The following DTX1 variants were observed in gnomAD, a reference collection of about 807,000 sequenced individuals.
DTX1 encodes the protein deltex E3 ubiquitin ligase 1, also known as E3 ubiquitin-protein ligase DTX1.
Under a neutral mutation model 57.8 loss-of-function variants are expected in DTX1, and 26 were observed. The observed-to-expected ratio is 0.45, with a 90% CI of 0.33 to 0.62. DTX1 has a LOEUF of 0.62. Ranked by LOEUF, DTX1 falls within the 20% of genes least tolerant of loss-of-function variation. The pLI, the probability that DTX1 is intolerant of heterozygous loss-of-function variation, is 0.02. For synonymous variants in DTX1, 398 were observed against 394.1 expected, an observed-to-expected ratio of 1.01 and a Z score of -0.12; for missense variants, 704 against 895.3, an observed-to-expected ratio of 0.79 and a Z score of 2.73.
chr12:113,077,362 C>T lies in DTX1; in HGVS notation c.260-62C>T, dbSNP rs1036933458. ...CCCACCCTTGCCTGGCTGTGGCCCGCCCTTCCAGCCGCGCAGACCAACGCC... is the reference window on the plus strand; with the variant it reads ...CCCACCCTTGCCTGGCTGTGGCCCGTCCTTCCAGCCGCGCAGACCAACGCC... On this transcript the variant is annotated intron_variant, in intron 2 of 9. Coordinates refer to ENST00000548759, the MANE Select transcript of DTX1 (RefSeq NM_004416.3). This position sits in a 1 kb window ranked among gnomAD's most constrained non-coding sequence, Gnocchi z 7.8. 6.6e-7 allele frequency: 1 copy of T among 1,525,908 alleles called. No homozygotes were observed. Among genetic ancestry groups the T allele is most frequent in the Non-Finnish European group, 8.7e-7 (1 of 1,143,710 alleles). 94.5% of individuals were successfully genotyped at this position (1,525,908 alleles called of 1,614,324 possible).
intron 2 of DTX1, among the ~76,000 whole-genome samples, chr12:113,072,850 C>A (rs560869801): frequency 6.6e-6 from 1 of 151,790 alleles, no homozygotes; most frequent in African/African-American, 2.4e-5. Context: ...ATTACAGGCA[C>A]GTACCACCAC....
chr12:113,092,459 A>G (rs1476236032), intron 3 of DTX1, among the ~76,000 whole-genome samples: 1 of 152,184 alleles, frequency 6.6e-6, no homozygotes, highest in East Asian at 1.9e-4. Context: ...GCTGACTCCA[A>G]AAGCCAAAGC....
intron 2 of DTX1, among the ~76,000 whole-genome samples, chr12:113,074,999 G>C (rs1253481321): frequency 6.6e-6 from 1 of 152,188 alleles, no homozygotes; most frequent in Admixed American, 6.5e-5. Flanking sequence ...AACCTCTCCA[G>C]GGAAGGGTCA....
chr12:113,057,464 G>T lies in DTX1; in HGVS notation c.-729G>T, dbSNP rs913040550. 5 of 152,434 alleles carry T rather than the reference G, an allele frequency of 3.3e-5. No homozygotes were observed. Among genetic ancestry groups the T allele is most frequent in the African/African-American group, 7.2e-5 (3 of 41,424 alleles). 9.4% of individuals were successfully genotyped at this position (152,434 alleles called of 1,614,324 possible). On this transcript the variant is annotated 5_prime_UTR_variant, in exon 2 of 10. Transcript: ENST00000548759. The stretch of plus-strand genomic sequence containing the variant: ...CTCCTGGCAGGTCGCGAGCACGAGT[G>T]GGGTGGGGCGTGCCCACGGGCCCCC...
In DTX1 at chr12:113,062,032, T is replaced by TACACACACAC. The variant is rs35422556; in HGVS notation, c.259+3610_259+3619dup. ...TGAATCTTGAAAATATTATATTTCA[T>TACACACACAC]ACACACACACACACACACACACACA... On this transcript the variant is annotated intron_variant, in intron 2 of 9. Coordinates refer to ENST00000548759, the MANE Select transcript of DTX1 (RefSeq NM_004416.3). 9.8e-4 allele frequency among the ~76,000 whole-genome samples: 139 copies of TACACACACAC among 142,496 alleles called. 1 individual carries two copies. The highest frequency in any genetic ancestry group is 3.5e-3 in the Middle Eastern group (1 of 288). The allele number at this position is 142,496 out of a possible 152,430, so 93.5% of individuals were successfully genotyped here. A position where few individuals can be genotyped will look rare whatever the true frequency, so the allele number is the denominator to read the frequency against.
intron 3 of DTX1, among the ~76,000 whole-genome samples, chr12:113,087,002 G>T (rs1038117710): frequency 7.0e-6 from 1 of 143,070 alleles, no homozygotes; most frequent in Non-Finnish European, 1.5e-5. Flanking sequence ...TGGCTGCCCC[G>T]GGCCGTGGGA....
In DTX1 at chr12:113,093,448, CACCCGAGGG is replaced by C; in HGVS notation, c.1004-90_1004-82del. The C allele has an allele frequency of 3.9e-6, 4 of 1,034,362 alleles. No individual in the cohort carries two copies. The highest frequency in any genetic ancestry group is 5.5e-6 in the Non-Finnish European group (4 of 725,058). The allele number at this position is 1,034,362 out of a possible 1,614,324, so 64.1% of individuals were successfully genotyped here. ...GGCCCAAGAGCGCAACCCTCCCACC[CACCCGAGGG>C]CCCCGGGATTCCCAGGGCCAGTGGT... On this transcript the variant is annotated intron_variant, in intron 4 of 9. Coordinates refer to ENST00000548759, the MANE Select transcript of DTX1 (RefSeq NM_004416.3). This position sits in a 1 kb window ranked among gnomAD's most constrained non-coding sequence, Gnocchi z 4.2.
At chr12:113,069,989 C>A (rs566352985) in intron 2 of DTX1, among the ~76,000 whole-genome samples, 1 of 152,246 alleles carries the variant, frequency 6.6e-6, no homozygotes, top group South Asian at 2.1e-4. Context: ...GTTTCCTCCC[C>A]CAGAACATGG....
In DTX1 at chr12:113,077,938, C is replaced by A; in HGVS notation, c.774C>A (p.Leu258=). The change falls in exon 3 of 10, where the codon CTC becomes CTA. Residue 258 remains leucine (L), a synonymous_variant. Transcript: ENST00000548759. This position sits in a 1 kb window ranked among gnomAD's most constrained non-coding sequence, Gnocchi z 7.8. The stretch of plus-strand genomic sequence containing the variant: ...GCGCCACCTTCACAGGCGCCGCGCT[C>A]TGGGCAGCGCCCGCCGCCGGCCCCG... ...RPSATFTGAA[L]WAAPAAGPAE... is the part of the protein sequence containing the mutation. 9.2e-7 allele frequency: 1 copy of A among 1,083,216 alleles called. No homozygotes were observed. The highest frequency in any genetic ancestry group is 4.3e-5 in the South Asian group (1 of 23,018). The allele number at this position is 1,083,216 out of a possible 1,614,324, so 67.1% of individuals were successfully genotyped here. A position where few individuals can be genotyped will look rare whatever the true frequency, so the allele number is the denominator to read the frequency against.
At chr12:113,067,117 C>T (rs538149095) in intron 2 of DTX1, among the ~76,000 whole-genome samples, 5 of 152,006 alleles carry the variant, frequency 3.3e-5, no homozygotes, top group South Asian at 4.2e-4. Flanking sequence ...GAACAAAGGA[C>T]GAGGCAATCA....
At position 113,093,543 on chromosome 12, in the gene DTX1, G is replaced by T. The variant is rs1451377141; in HGVS notation, c.1008G>T (p.Met336Ile). 6.2e-7 allele frequency: 1 copy of T among 1,605,386 alleles called. No individual in the cohort carries two copies. The highest frequency in any genetic ancestry group is 8.5e-7 in the Non-Finnish European group (1 of 1,175,986). ...TGPVHPALAG[M>I]TGILLCAAGL... ...ACTGCGCCCCCTAACCCCCAGGGAT[G>T]ACCGGGATACTGCTGTGCGCGGCCG... Residue 336 changes from methionine (M) to isoleucine (I), a missense_variant, in exon 5 of 10, where the codon ATG (methionine) becomes ATT (isoleucine). Around this residue, in one of 3 missense-constraint regions of DTX1, gnomAD observed 299 missense variants for 311.2 expected, o/e 0.96. Coordinates refer to ENST00000548759, the MANE Select transcript of DTX1 (RefSeq NM_004416.3). The surrounding 1 kb of genome is among the most constrained non-coding windows in gnomAD (Gnocchi z 4.2).
intron 2 of DTX1, among the ~76,000 whole-genome samples, chr12:113,069,687 C>T (rs1396050813): frequency 1.3e-5 from 2 of 152,144 alleles, no homozygotes; most frequent in Admixed American, 6.5e-5. Context: ...CAGACTTCCA[C>T]GTCTTCTTAG....
intron 3 of DTX1, among the ~76,000 whole-genome samples, chr12:113,079,486 T>C (rs1022755081): frequency 2.0e-5 from 3 of 150,476 alleles, no homozygotes; most frequent in African/African-American, 7.3e-5. Flanking sequence ...TCTGACTTCC[T>C]GGGTTCGAAT....
At chr12:113,072,006 C>A (rs1592845580) in intron 2 of DTX1, among the ~76,000 whole-genome samples, 2 of 152,218 alleles carry the variant, frequency 1.3e-5, no homozygotes, top group Admixed American at 6.5e-5. Flanking sequence ...TCCCAGAGTC[C>A]TTTGCTGCAG....
intron 3 of DTX1, among the ~76,000 whole-genome samples, chr12:113,087,817 G>T (rs2044873790): frequency 6.6e-6 from 1 of 152,136 alleles, no homozygotes; most frequent in African/African-American, 2.4e-5. Flanking sequence ...TGCTGGGGGT[G>T]GGAGGGGAGA....
intron 3 of DTX1, among the ~76,000 whole-genome samples, 199 bp from the exon 4 acceptor site, chr12:113,092,963 C>T (rs1232777723): frequency 6.6e-6 from 1 of 152,134 alleles, no homozygotes; most frequent in Non-Finnish European, 1.5e-5. Context: ...GGAACCTGGG[C>T]GGAGGTCCTG....
intron 3 of DTX1, among the ~76,000 whole-genome samples, chr12:113,082,094 C>T (rs2044822313): frequency 6.6e-6 from 1 of 152,114 alleles, no homozygotes; most frequent in Non-Finnish European, 1.5e-5. Context: ...CCCCCACAGC[C>T]GACATCATTT....
chr12:113,065,646 G>C (rs925569641), intron 2 of DTX1, among the ~76,000 whole-genome samples: 1 of 152,178 alleles, frequency 6.6e-6, no homozygotes, highest in African/African-American at 2.4e-5. Flanking sequence ...TGGGAAGCGT[G>C]GGGGCTGGAG....
chr12:113,064,742 T>C (rs559801933), intron 2 of DTX1, among the ~76,000 whole-genome samples: 158 of 152,248 alleles, frequency 1.0e-3, no homozygotes, highest in Non-Finnish European at 1.8e-3. Context: ...AAATGAGATA[T>C]GTAGATAAAA....
Sources: gnomAD v4.1 joint callset for allele counts (sites outside exome capture counted in the v4.1 genomes callset) on GRCh38, gnomAD v4.1.1 for gene constraint, gnomAD v4.1.1 regional missense constraint, Gnocchi (gnomAD v3.1) non-coding constraint, MANE v1.5 for transcripts, NCBI Gene and HGNC (gene_info 2026-07-23, HGNC 2026-07-21) for gene names.